RIMS2: variants seen among roughly 807,000 people sequenced by gnomAD.
RIMS2 encodes the protein regulating synaptic membrane exocytosis protein 2.
A neutral mutation model predicts 174.4 loss-of-function variants in RIMS2; 59 were observed. The observed-to-expected ratio is 0.34, with a 90% CI of 0.27 to 0.42. The LOEUF is 0.42. Ranked by LOEUF, RIMS2 falls within the 10% of genes least tolerant of loss-of-function variation. The pLI, the probability that RIMS2 is intolerant of heterozygous loss-of-function variation, is 1.00. For missense variants in RIMS2, 1,620 were observed against 1,666.3 expected (o/e 0.97, Z 0.48); for synonymous variants, 606 against 572.5 (o/e 1.06, Z -0.84).
At chr8:103,661,670 A>AT (rs998559829) in intron 1 of RIMS2, among the ~76,000 whole-genome samples, 9 of 151,990 alleles carry the variant, frequency 5.9e-5, no homozygotes, top group South Asian at 2.1e-4. Flanking sequence ...CCCCTGGCTG[A>AT]TTTTTTTGTA....
intron 1 of RIMS2, among the ~76,000 whole-genome samples, chr8:103,535,730 G>C (rs1839443371): frequency 6.6e-6 from 1 of 152,190 alleles, no homozygotes; most frequent in South Asian, 2.1e-4. Flanking sequence ...AAGATAAGTA[G>C]AGCTCAACTT....
intron 3 of RIMS2, among the ~76,000 whole-genome samples, chr8:103,863,061 T>C (rs2023027): frequency 0.16 from 23,960 of 152,090 alleles, 1,991 homozygotes; most frequent in Middle Eastern, 0.24. Flanking sequence ...GGGAGAATGC[T>C]TTCAACTTTT....
chr8:103,563,366 C>T (rs1402272127), intron 1 of RIMS2, among the ~76,000 whole-genome samples: 2 of 152,190 alleles, frequency 1.3e-5, no homozygotes, highest in African/African-American at 4.8e-5. Flanking sequence ...TCATCTCTCT[C>T]AAGTTCAAAG....
intron 3 of RIMS2, among the ~76,000 whole-genome samples, chr8:103,793,227 T>G (rs953472147): frequency 4.6e-5 from 7 of 152,160 alleles, no homozygotes; most frequent in African/African-American, 1.4e-4. Context: ...TAAAAGCTTA[T>G]CCACTACGAT....
intron 3 of RIMS2, among the ~76,000 whole-genome samples, chr8:103,773,711 C>A (rs2098278812): frequency 6.6e-6 from 1 of 151,958 alleles, no homozygotes; most frequent in African/African-American, 2.4e-5. Flanking sequence ...GCCTGGGCGA[C>A]AAGAGCAAAA....
At chr8:104,177,956 A>C (rs1184582659) in intron 19 of RIMS2, among the ~76,000 whole-genome samples, 2 of 152,170 alleles carry the variant, frequency 1.3e-5, no homozygotes, top group African/African-American at 4.8e-5. Flanking sequence ...AGCTTTAATA[A>C]AGAACTCTAA....
In RIMS2 at chr8:103,628,754, TAA is replaced by T. The variant is rs200221962; in HGVS notation, c.177-68315_177-68314del. Among the ~76,000 whole-genome samples the T allele has an allele frequency of 3.7e-3, 428 of 115,044 alleles. 5 individuals are homozygous for T. The East Asian group carries it at 0.051, about 14-fold the overall frequency. The allele number at this position is 115,044 out of a possible 152,430, so 75.5% of individuals were successfully genotyped here. ...CCGAGAAACATCAACAGACCCATATTAAAAAAAAAAAAAAAAAAGGTCCCAAG... is the reference window on the plus strand; with the variant it reads ...CCGAGAAACATCAACAGACCCATATTAAAAAAAAAAAAAAAAGGTCCCAAG... On this transcript the variant is annotated intron_variant, in intron 1 of 23. Coordinates refer to ENST00000504942, the Ensembl canonical transcript of RIMS2.
chr8:104,226,645 G>A (rs1250178643), intron 19 of RIMS2, among the ~76,000 whole-genome samples: 2 of 152,148 alleles, frequency 1.3e-5, no homozygotes, highest in Non-Finnish European at 2.9e-5. Context: ...AAAGGGCAGA[G>A]TGCAACAAGA....
At chr8:104,236,162 T>C (rs2099257467) in intron 19 of RIMS2, among the ~76,000 whole-genome samples, 1 of 151,942 alleles carries the variant, frequency 6.6e-6, no homozygotes, top group African/African-American at 2.4e-5. Flanking sequence ...ATGTCATAGG[T>C]GATATAAACT....
At chr8:103,525,241 T>C (rs1278382629) in intron 1 of RIMS2, among the ~76,000 whole-genome samples, 6 of 152,194 alleles carry the variant, frequency 3.9e-5, no homozygotes, top group Admixed American at 6.5e-5. Flanking sequence ...GAAAGTGTGA[T>C]AGTTCTTCAT....
chr8:104,189,308 C>A (rs2098985293), intron 19 of RIMS2, among the ~76,000 whole-genome samples: 1 of 151,872 alleles, frequency 6.6e-6, no homozygotes, highest in Admixed American at 6.6e-5. Flanking sequence ...GAGACACATT[C>A]CACCACCTAC....
intron 14 of RIMS2, among the ~76,000 whole-genome samples, chr8:103,946,810 C>T (rs2083917465): frequency 6.6e-6 from 1 of 152,118 alleles, no homozygotes; most frequent in South Asian, 2.1e-4. Context: ...GCAGCCAAAA[C>T]AAATCTGGAA....
chr8:103,822,864 A>T (rs1055833899), intron 3 of RIMS2, among the ~76,000 whole-genome samples: 2 of 151,968 alleles, frequency 1.3e-5, no homozygotes, highest in Admixed American at 1.3e-4. Context: ...TGTCATTAGT[A>T]AAAAAATCAA....
chr8:103,602,172 A>G (rs1273640724), intron 1 of RIMS2, among the ~76,000 whole-genome samples: 1 of 152,074 alleles, frequency 6.6e-6, no homozygotes, highest in Non-Finnish European at 1.5e-5. Context: ...TATATTTAGT[A>G]GAGACGGGGT....
chr8:104,129,320 G>A (rs1246324339), intron 19 of RIMS2, among the ~76,000 whole-genome samples: 1 of 152,136 alleles, frequency 6.6e-6, no homozygotes, highest in Non-Finnish European at 1.5e-5. Flanking sequence ...AGGAGTTTGA[G>A]GTTACAATCA....
At chr8:103,898,368 T>C (rs1057010131) in intron 4 of RIMS2, among the ~76,000 whole-genome samples, 1 of 151,616 alleles carries the variant, frequency 6.6e-6, no homozygotes, top group Non-Finnish European at 1.5e-5. Context: ...CAGGGGTATG[T>C]GATAGTTCTG....
At position 104,249,571 on chromosome 8, in the gene RIMS2, G is replaced by C. The variant is rs372761966; in HGVS notation, c.3674G>C (p.Gly1225Ala). 6 of 1,600,700 alleles carry C rather than the reference G, an allele frequency of 3.7e-6. No homozygotes were observed. The African/African-American group carries it at 6.7e-5, about 18-fold the overall frequency. The change falls in exon 22 of 24, where the codon GGT becomes GCT. Residue 1225 changes from glycine (G) to alanine (A), a missense_variant. By Grantham distance (60) the Gly-to-Ala change is moderately conservative. Around this residue, in one of 2 missense-constraint regions of RIMS2, gnomAD observed 225 missense variants for 306.2 expected, o/e 0.73. Transcript: ENST00000504942. ...GCCCGTGGCCTTGTTGTAAAACCAG[G>C]TTCCAAGACACTGCCAGGTAAAAAC... is the stretch of plus-strand genomic sequence containing the variant.
chr8:103,718,901 C>T (rs892509343), intron 2 of RIMS2, among the ~76,000 whole-genome samples: 2 of 152,068 alleles, frequency 1.3e-5, no homozygotes, highest in South Asian at 2.1e-4. Context: ...TCAAATGCCT[C>T]GGCCTCCTGA....
At chr8:103,791,424 T>G (rs946013844) in intron 3 of RIMS2, among the ~76,000 whole-genome samples, 26 of 152,132 alleles carry the variant, frequency 1.7e-4, no homozygotes, top group African/African-American at 5.5e-4. Flanking sequence ...AAGGAAGCAC[T>G]AAACATGAAA....
Sources: gnomAD v4.1 joint callset for allele counts (sites outside exome capture counted in the v4.1 genomes callset) on GRCh38, gnomAD v4.1.1 for gene constraint, gnomAD v4.1.1 regional missense constraint, MANE v1.5 for transcripts, NCBI Gene and HGNC (gene_info 2026-07-23, HGNC 2026-07-21) for gene names.